AP3M1: variants seen among roughly 807,000 people sequenced by gnomAD.
The protein encoded by AP3M1 is AP-3 complex subunit mu-1.
In AP3M1, 29 loss-of-function variants were observed where a neutral mutation model predicts 42.6. That is an observed-to-expected ratio of 0.68 (90% CI 0.51 to 0.93). The LOEUF is 0.93. AP3M1 is among the 40% of genes least tolerant of loss of function. AP3M1 has a pLI of 0.00. For missense variants in AP3M1, 416 were observed against 510.2 expected, an observed-to-expected ratio of 0.82 and a Z score of 1.78; for synonymous variants, 178 against 175.3, an observed-to-expected ratio of 1.02 and a Z score of -0.12.
chr10:74,123,957 A>C (rs767552460), intron 8 of AP3M1, 47 bp from the exon 9 acceptor site: 58 of 1,521,670 alleles, frequency 3.8e-5, no homozygotes, highest in Non-Finnish European at 4.7e-5. Context: ...CATCCCAACC[A>C]ATATAATGTT....
chr10:74,124,889 T>C (rs745904773), intron 7 of AP3M1, among the ~76,000 whole-genome samples: 3 of 152,302 alleles, frequency 2.0e-5, no homozygotes, highest in African/African-American at 4.8e-5. Flanking sequence ...GTCACATAGT[T>C]AGTCAGAGGT....
chr10:74,126,323 C>G lies in AP3M1; in HGVS notation c.836G>C (p.Ser279Thr). Residue 279 changes from serine (S) to threonine (T), a missense_variant, in exon 7 of 9, where the codon AGT (serine) becomes ACT (threonine). By Grantham distance (58) the Ser-to-Thr change is moderately conservative. Transcript: ENST00000355264. ...LVAIPVYVKH[S>T]ISFKENSSCG... is the part of the protein sequence containing the mutation. The stretch of plus-strand genomic sequence containing the variant: ...AGAACTGTTCTCCTTAAAGCTGATA[C>G]TATGTTTCACATACACTGGTATTGC... The G allele has an allele frequency of 4.3e-6, 7 of 1,614,146 alleles. No homozygotes were observed. The highest frequency in any genetic ancestry group is 5.1e-6 in the Non-Finnish European group (6 of 1,180,014).
At chr10:74,128,126 G>GAAAAAAAAAAAAAAAAAAAAAAAAAAAA (rs1564544493) in intron 6 of AP3M1, among the ~76,000 whole-genome samples, 1 of 135,686 alleles carries the variant, frequency 7.4e-6, no homozygotes, top group Non-Finnish European at 1.6e-5. Flanking sequence ...AAAAAAAAAG[G>GAAAAAAAAAAAAAAAAAAAAAAAAAAAA]AAAAGAAAAG....
chr10:74,129,416 C>A, intron 5 of AP3M1, among the ~76,000 whole-genome samples, 175 bp from the exon 6 acceptor site: 1 of 152,218 alleles, frequency 6.6e-6, no homozygotes, highest in East Asian at 1.9e-4. Context: ...ATTTTATGTA[C>A]ATTATTTTAT....
In AP3M1 at chr10:74,121,515, T is replaced by C. The variant is rs1304977422; in HGVS notation, c.*2295A>G. 1.3e-5 allele frequency: 2 copies of C among 152,206 alleles called. No individual in the cohort carries two copies. The highest frequency in any genetic ancestry group is 2.9e-5 in the Non-Finnish European group (2 of 68,030). The allele number at this position is 152,206 out of a possible 1,614,324, so 9.4% of individuals were successfully genotyped here. On this transcript the variant is annotated 3_prime_UTR_variant, in exon 9 of 9. Coordinates refer to ENST00000355264, the MANE Select transcript of AP3M1 (RefSeq NM_012095.6). ...AATCTTTGTTATCAGTAGGTGGTGG[T>C]AGTGATAGGGAAGGGAGCTTTGATC...
chr10:74,138,051 C>T (rs1840999756), intron 2 of AP3M1, 56 bp downstream of exon 2: 5 of 1,539,598 alleles, frequency 3.2e-6, no homozygotes, highest in Non-Finnish European at 3.5e-6. Flanking sequence ...ATAATCATGT[C>T]TCACCTTCAG....
Position 74,123,698 on chromosome 10 carries a change from A to T in AP3M1, c.*112T>A. 1 of 816,728 alleles carries T rather than the reference A, an allele frequency of 1.2e-6. No homozygotes were observed. The highest frequency in any genetic ancestry group is 2.1e-6 in the Non-Finnish European group (1 of 479,116). The allele number at this position is 816,728 out of a possible 1,614,324, so 50.6% of individuals were successfully genotyped here. On this transcript the variant is annotated 3_prime_UTR_variant, in exon 9 of 9. Coordinates refer to ENST00000355264, the MANE Select transcript of AP3M1 (RefSeq NM_012095.6). ...GTAACTTTGTTAGCGGTGTGTAGCT[A>T]GACACAAATGCTTTAACTAGAATAT...
intron 7 of AP3M1, 62 bp downstream of exon 7, chr10:74,126,086 C>T: frequency 1.3e-6 from 2 of 1,564,774 alleles, no homozygotes; most frequent in Admixed American, 3.3e-5. Context: ...TCCATTCCTC[C>T]CCACAAATCA....
At chr10:74,138,061 G>C (rs1274927671) in intron 2 of AP3M1, 46 bp downstream of exon 2, 11 of 1,568,888 alleles carry the variant, frequency 7.0e-6, no homozygotes. Context: ...CTCACCTTCA[G>C]CTAACTTGGG....
chr10:74,144,995 A>AT (rs35702315), intron 1 of AP3M1, among the ~76,000 whole-genome samples: 2,961 of 152,244 alleles, frequency 0.019, 45 homozygotes, highest in Middle Eastern at 0.027. Context: ...GGTAAAAGAC[A>AT]TTTCTTGTTT....
rs565843768 is a variant in AP3M1 at position 74,134,823 on chromosome 10, A to C, written c.446-659T>G. 1.7e-3 allele frequency among the ~76,000 whole-genome samples: 256 copies of C among 152,372 alleles called. 1 individual carries two copies. The highest frequency in any genetic ancestry group is 3.2e-3 in the Admixed American group (49 of 15,298). ...TACTACATACTTAACAACAACAAAA[A>C]GGTAGAGTTCAGAGAAGTGGTTTAA... On this transcript the variant is annotated intron_variant, in intron 3 of 8. Coordinates refer to ENST00000355264, the MANE Select transcript of AP3M1 (RefSeq NM_012095.6).
Position 74,129,781 on chromosome 10 carries a change from A to G in AP3M1, c.669+126T>C, listed in dbSNP as rs543606440. On this transcript the variant is annotated intron_variant, in intron 5 of 8. Coordinates refer to ENST00000355264, the MANE Select transcript of AP3M1 (RefSeq NM_012095.6). ...AGCGACTGTCTTAGGAAACTCTGCT[A>G]GGAATATTTCTGAGATAATCCTTTG... 4 of 714,480 alleles carry G rather than the reference A, an allele frequency of 5.6e-6. No individual in the cohort carries two copies. In the East Asian group the frequency reaches 1.1e-4, roughly 19 times the overall value. 44.3% of individuals were successfully genotyped at this position (714,480 alleles called of 1,614,324 possible). A position where few individuals can be genotyped will look rare whatever the true frequency, so the allele number is the denominator to read the frequency against.
intron 4 of AP3M1, among the ~76,000 whole-genome samples, chr10:74,133,628 C>T (rs1168007595): frequency 1.3e-5 from 2 of 151,558 alleles, no homozygotes; most frequent in Non-Finnish European, 2.9e-5. Flanking sequence ...CCACCGAAAC[C>T]ATACTGCCAA....
At chr10:74,128,940 G>A (rs1342822671) in intron 6 of AP3M1, 168 bp downstream of exon 6, 26 of 678,100 alleles carry the variant, frequency 3.8e-5, no homozygotes, top group South Asian at 3.6e-4. Context: ...CAAAGTATAC[G>A]GATTATTTTA....
chr10:74,121,833 T>G lies in AP3M1; in HGVS notation c.*1977A>C, dbSNP rs1008350909. 1 of 152,230 alleles carries G rather than the reference T, an allele frequency of 6.6e-6. No homozygotes were observed. The highest frequency in any genetic ancestry group is 1.5e-5 in the Non-Finnish European group (1 of 68,038). 9.4% of individuals were successfully genotyped at this position (152,230 alleles called of 1,614,324 possible). A position where few individuals can be genotyped will look rare whatever the true frequency, so the allele number is the denominator to read the frequency against. On this transcript the variant is annotated 3_prime_UTR_variant, in exon 9 of 9. Coordinates refer to ENST00000355264, the MANE Select transcript of AP3M1 (RefSeq NM_012095.6). Reference sequence around the variant, plus strand: ...AATGATTTACTGGATTCTAGCAAATTAATAAATACAGTAATTTGATTGTAA... The same window carrying G: ...AATGATTTACTGGATTCTAGCAAATGAATAAATACAGTAATTTGATTGTAA...
Position 74,123,747 on chromosome 10 carries a change from A to C in AP3M1, c.*63T>G. ...ATGTATTCCCACTCACTTGGTACCT[A>C]ATAGTGATACATCGTAATGACACTT... On this transcript the variant is annotated 3_prime_UTR_variant, in exon 9 of 9. Coordinates refer to ENST00000355264, the MANE Select transcript of AP3M1 (RefSeq NM_012095.6). 1 of 1,248,920 alleles carries C rather than the reference A, an allele frequency of 8.0e-7. No homozygotes were observed. The highest frequency in any genetic ancestry group is 1.7e-5 in the Admixed American group (1 of 59,380). The allele number at this position is 1,248,920 out of a possible 1,614,324, so 77.4% of individuals were successfully genotyped here.
At chr10:74,141,774 G>T (rs1280466438) in intron 1 of AP3M1, among the ~76,000 whole-genome samples, 4 of 146,662 alleles carry the variant, frequency 2.7e-5, no homozygotes, top group African/African-American at 1.0e-4. Context: ...GTGCAATGGT[G>T]TTATCTCGGC....
Position 74,123,813 on chromosome 10 carries a change from T to C in AP3M1, c.1254A>G (p.Thr418=), listed in dbSNP as rs776444279. The C allele has an allele frequency of 5.0e-6, 8 of 1,613,942 alleles. No homozygotes were observed. The South Asian group carries it at 6.6e-5, about 13-fold the overall frequency. ...CCTGAGGAATTTTGGCCTCTTCTCA[T>C]GTCCTCACTTGGAACTTTCCAGCTT... The part of the protein sequence containing the change: ...VTKAGKFQVR[T] Residue 418 remains threonine, a synonymous_variant, in exon 9 of 9, where the codon ACA becomes ACG. Transcript: ENST00000355264.
rs543474439 is a variant in AP3M1, at chr10:74,132,539, A to G, written c.583+1488T>C. Reference sequence around the variant, plus strand: ...GACCCTGTCTGTACAAAAAAAACAAATAAAAGTTAGCCAGGCATGGTGGCG... The same window carrying G: ...GACCCTGTCTGTACAAAAAAAACAAGTAAAAGTTAGCCAGGCATGGTGGCG... On this transcript the variant is annotated intron_variant, in intron 4 of 8. Coordinates refer to ENST00000355264, the MANE Select transcript of AP3M1 (RefSeq NM_012095.6). 3.3e-5 allele frequency among the ~76,000 whole-genome samples: 5 copies of G among 151,986 alleles called. No individual in the cohort carries two copies. The East Asian group carries it at 9.8e-4, about 30-fold the overall frequency.
Sources: allele counts gnomAD v4.1 joint callset (sites outside exome capture counted in the v4.1 genomes callset), GRCh38; gene constraint gnomAD v4.1.1; transcripts MANE v1.5; gene names NCBI Gene and HGNC (gene_info 2026-07-23, HGNC 2026-07-21).